The following RPL15 variants were observed in gnomAD, a reference collection of about 807,000 sequenced individuals.
RPL15 encodes ribosomal protein L15, also known as large ribosomal subunit protein eL15.
For missense variants in RPL15, 161 were observed against 271.8 expected, an observed-to-expected ratio of 0.59 and a Z score of 2.87; for synonymous variants, 97 against 95.1, an observed-to-expected ratio of 1.02 and a Z score of -0.12.
downstream of RPL15, chr3:23,924,111 A>G (rs1323882168): frequency 6.6e-6 from 1 of 152,248 alleles, no homozygotes; most frequent in Non-Finnish European, 1.5e-5. Context: ...CTATTAATAC[A>G]AGATGGGTGA....
At chr3:23,918,054 G>T (rs369302129) in intron 2 of RPL15, 23 bp downstream of exon 2, 1 of 1,594,328 alleles carries the variant, frequency 6.3e-7, no homozygotes, top group South Asian at 1.1e-5. Context: ...CTGCGTGGAT[G>T]CTTGGATAAA....
rs1360593339 is a variant in RPL15 at position 23,920,816 on chromosome 3, G to A, written c.*1315G>A. On this transcript the variant is annotated 3_prime_UTR_variant, in exon 4 of 4. Coordinates refer to ENST00000307839, the MANE Select transcript of RPL15 (RefSeq NM_002948.5). ...TTAATTGTGTAGAGGTTGTTCAACT[G>A]AAGGAATAAATGTCTATTAAACTAA... 1 of 940,462 alleles carries A rather than the reference G, an allele frequency of 1.1e-6. No homozygotes were observed. The highest frequency in any genetic ancestry group is 1.3e-6 in the Non-Finnish European group (1 of 789,020). The allele number at this position is 940,462 out of a possible 1,614,324, so 58.3% of individuals were successfully genotyped here.
chr3:23,924,289 C>T (rs1705170988), downstream of RPL15: 1 of 152,192 alleles, frequency 6.6e-6, no homozygotes. Flanking sequence ...TTTATGTTTG[C>T]TTTACAGTGG....
chr3:23,921,572 T>TGTG, downstream of RPL15: 5 of 294,194 alleles, frequency 1.7e-5, no homozygotes, highest in African/African-American at 7.1e-5. Flanking sequence ...ATTATTGAGT[T>TGTG]TTTTTTTTTT....
intron 1 of RPL15, 117 bp from the exon 2 acceptor site, chr3:23,917,733 G>A (rs901597373): frequency 3.8e-6 from 4 of 1,058,632 alleles, no homozygotes; most frequent in East Asian, 2.6e-5. Flanking sequence ...AGTTGGTGCA[G>A]AGCCATTTTC....
At chr3:23,918,138 C>T in intron 2 of RPL15, 107 bp downstream of exon 2, 1 of 1,384,696 alleles carries the variant, frequency 7.2e-7, no homozygotes. Flanking sequence ...TCGCATAGGG[C>T]TTTGGCAGAA....
chr3:23,916,775 G>C (rs544991789), upstream of RPL15: 3 of 152,828 alleles, frequency 2.0e-5, no homozygotes, highest in East Asian at 1.9e-4. Flanking sequence ...CGCGGTGCGT[G>C]AAACAAACCT....
chr3:23,921,576 T>C, downstream of RPL15: 2 of 629,072 alleles, frequency 3.2e-6, no homozygotes, highest in Non-Finnish European at 5.7e-6. Flanking sequence ...TTGAGTTTTT[T>C]TTTTTTTTTT....
Position 23,920,335 on chromosome 3 carries a change from C to G in RPL15, c.*834C>G. 3.0e-6 allele frequency: 3 copies of G among 985,570 alleles called. No homozygotes were observed. The highest frequency in any genetic ancestry group is 2.4e-6 in the Non-Finnish European group (2 of 829,894). The allele number at this position is 985,570 out of a possible 1,614,324, so 61.1% of individuals were successfully genotyped here. Reference sequence around the variant, plus strand: ...AGTCTTAAAAACATCTTGGGTTACCCACTCTGTCCACTCCCATAGGCTACA... The same window carrying G: ...AGTCTTAAAAACATCTTGGGTTACCGACTCTGTCCACTCCCATAGGCTACA... On this transcript the variant is annotated 3_prime_UTR_variant, in exon 4 of 4. Coordinates refer to ENST00000307839, the MANE Select transcript of RPL15 (RefSeq NM_002948.5).
chr3:23,920,090 G>A lies in RPL15; in HGVS notation c.*589G>A. On this transcript the variant is annotated 3_prime_UTR_variant, in exon 4 of 4. Coordinates refer to ENST00000307839, the MANE Select transcript of RPL15 (RefSeq NM_002948.5). ...ACACTGGTGTGTTTTGAAGTTGAAT[G>A]TGCGATAAAATTATTAGCCTTAAGA... 3 of 985,882 alleles carry A rather than the reference G, an allele frequency of 3.0e-6. No homozygotes were observed. The highest frequency in any genetic ancestry group is 2.3e-4 in the East Asian group (2 of 8,824). 61.1% of individuals were successfully genotyped at this position (985,882 alleles called of 1,614,324 possible).
chr3:23,919,584 A>G lies in RPL15; in HGVS notation c.*83A>G. On this transcript the variant is annotated 3_prime_UTR_variant, in exon 4 of 4. Coordinates refer to ENST00000307839, the MANE Select transcript of RPL15 (RefSeq NM_002948.5). ...CTTACAGGTGTTATTTGTCTGTTAA[A>G]ACTAGTCTGCAGATGTTTCTTGAAT... is the stretch of plus-strand genomic sequence containing the variant. The G allele has an allele frequency of 7.0e-7, 1 of 1,431,480 alleles. No homozygotes were observed. The highest frequency in any genetic ancestry group is 9.1e-7 in the Non-Finnish European group (1 of 1,097,152). 88.7% of individuals were successfully genotyped at this position (1,431,480 alleles called of 1,614,324 possible). A position where few individuals can be genotyped will look rare whatever the true frequency, so the allele number is the denominator to read the frequency against.
In RPL15 at chr3:23,920,433, AC is replaced by A. The variant is rs1705013303; in HGVS notation, c.*935del. ...TTATTTCTCTTGTTCTGGCCAAACA[AC>A]CCTAAAAATCCTTACCATTCCACAA... On this transcript the variant is annotated 3_prime_UTR_variant, in exon 4 of 4. Transcript: ENST00000307839. 3 of 985,292 alleles carry A rather than the reference AC, an allele frequency of 3.0e-6. No homozygotes were observed. In the South Asian group the frequency reaches 1.4e-4, roughly 46 times the overall value. The allele number at this position is 985,292 out of a possible 1,614,324, so 61.0% of individuals were successfully genotyped here. A position where few individuals can be genotyped will look rare whatever the true frequency, so the allele number is the denominator to read the frequency against.
chr3:23,921,484 A>C, downstream of RPL15: 1 of 651,836 alleles, frequency 1.5e-6, no homozygotes, highest in South Asian at 1.8e-5. Flanking sequence ...TTTATTAGCT[A>C]TACCCTGACC....
chr3:23,917,301 G>C (rs1027669422), intron 1 of RPL15, 128 bp downstream of exon 1: 4 of 152,670 alleles, frequency 2.6e-5, no homozygotes, highest in Admixed American at 6.5e-5. Flanking sequence ...GTTTGGTCAG[G>C]ATGCGGGACA....
downstream of RPL15, chr3:23,923,639 AAG>A (rs1705155104): frequency 6.6e-6 from 1 of 152,258 alleles, no homozygotes; most frequent in South Asian, 2.1e-4. Context: ...CTATTACAAA[AAG>A]AAAAATGTGT....
chr3:23,919,664 T>C lies in RPL15; in HGVS notation c.*163T>C. The stretch of plus-strand genomic sequence containing the variant: ...AATAATGTTTGAAGACAATAAGTGG[T>C]GGTGTATCTTGTTTCTAATAAGATA... On this transcript the variant is annotated 3_prime_UTR_variant, in exon 4 of 4. Coordinates refer to ENST00000307839, the MANE Select transcript of RPL15 (RefSeq NM_002948.5). 1 of 1,408,556 alleles carries C rather than the reference T, an allele frequency of 7.1e-7. No individual in the cohort carries two copies. The highest frequency in any genetic ancestry group is 9.2e-7 in the Non-Finnish European group (1 of 1,086,718). 87.3% of individuals were successfully genotyped at this position (1,408,556 alleles called of 1,614,324 possible).
intron 1 of RPL15, 158 bp from the exon 2 acceptor site, chr3:23,917,692 A>G (rs1447321733): frequency 3.0e-6 from 2 of 675,046 alleles, no homozygotes; most frequent in Non-Finnish European, 4.9e-6. Context: ...CCGTGGGCGC[A>G]GTGGTGGGGG....
chr3:23,918,950 T>C lies in RPL15; in HGVS notation c.310-246T>C, dbSNP rs1053092824. 6 of 555,844 alleles carry C rather than the reference T, an allele frequency of 1.1e-5. No homozygotes were observed. In the African/African-American group the frequency reaches 1.1e-4, roughly 10 times the overall value. 34.4% of individuals were successfully genotyped at this position (555,844 alleles called of 1,614,324 possible). A position where few individuals can be genotyped will look rare whatever the true frequency, so the allele number is the denominator to read the frequency against. The stretch of plus-strand genomic sequence containing the variant: ...ATTTTGTTACCCAGATATTAACATA[T>C]TCCTGCCCTAGTCAGGAATGGAGTA... On this transcript the variant is annotated intron_variant, in intron 3 of 3. Transcript: ENST00000307839.
chr3:23,916,948 G>A (rs1212440262), upstream of RPL15: 1 of 152,660 alleles, frequency 6.6e-6, no homozygotes, highest in Non-Finnish European at 1.5e-5. Context: ...GAGACGCCCA[G>A]GCCGCTCAGG....
Sources: gnomAD v4.1 joint callset for allele counts on GRCh38, gnomAD v4.1.1 for gene constraint, MANE v1.5 for transcripts, NCBI Gene and HGNC (gene_info 2026-07-23, HGNC 2026-07-21) for gene names.